Variants in SNX29 observed in about 807,000 individuals in gnomAD.
The protein encoded by SNX29 is sorting nexin-29.
Under a neutral mutation model 102.1 loss-of-function variants are expected in SNX29, and 78 were observed. The ratio of observed to expected loss-of-function variants is 0.76; its 90% CI spans 0.64 to 0.92. The LOEUF is 0.92. SNX29 is among the 40% of genes least tolerant of loss of function. The pLI is 0.00. For missense variants in SNX29, 1,280 were observed against 1,061.7 expected (o/e 1.21, Z -2.86); for synonymous variants, 580 against 414.5 (o/e 1.40, Z -4.85).
In SNX29 at chr16:12,402,380, C is replaced by T. The variant is rs189687278; in HGVS notation, c.1956-1068C>T. ...TTGTGTTCCAAGCCCAGAAGGCTGG[C>T]GAGTTTTTATGAGCTGCTCTTGAGA... On this transcript the variant is annotated intron_variant, in intron 17 of 20. Transcript: ENST00000566228. 9.1e-4 allele frequency among the ~76,000 whole-genome samples: 138 copies of T among 152,318 alleles called. No homozygotes were observed. In the East Asian group the frequency reaches 0.016, roughly 18 times the overall value.
At chr16:12,335,009 G>C (rs953800792) in intron 15 of SNX29, among the ~76,000 whole-genome samples, 1 of 146,926 alleles carries the variant, frequency 6.8e-6, no homozygotes, top group Non-Finnish European at 1.5e-5. Flanking sequence ...ATATGCGTCA[G>C]AAAACAAACC....
At chr16:12,542,558 C>G (rs1267022723) in intron 20 of SNX29, among the ~76,000 whole-genome samples, 2 of 152,322 alleles carry the variant, frequency 1.3e-5, no homozygotes, top group African/African-American at 4.8e-5. Context: ...TCTTGAACTC[C>G]TGACCTCAAG....
intron 20 of SNX29, among the ~76,000 whole-genome samples, chr16:12,535,059 G>C (rs1023838173): frequency 6.6e-6 from 1 of 152,186 alleles, no homozygotes; most frequent in Non-Finnish European, 1.5e-5. Context: ...AAAGCACTGG[G>C]ACTCCACAGT....
At chr16:12,505,374 A>G (rs2089325460) in intron 19 of SNX29, among the ~76,000 whole-genome samples, 1 of 152,142 alleles carries the variant, frequency 6.6e-6, no homozygotes, top group East Asian at 1.9e-4. Flanking sequence ...AAAAAAAACC[A>G]TTGTTTCCAC....
chr16:12,014,454 C>T (rs1042128903), intron 3 of SNX29, among the ~76,000 whole-genome samples: 11 of 152,060 alleles, frequency 7.2e-5, no homozygotes, highest in East Asian at 5.8e-4. Context: ...TTATCAGAGC[C>T]GGGCGCGGTG....
chr16:12,418,221 C>G (rs1007405193), intron 18 of SNX29, among the ~76,000 whole-genome samples: 1 of 152,144 alleles, frequency 6.6e-6, no homozygotes, highest in Non-Finnish European at 1.5e-5. Context: ...TTTAAGACAG[C>G]CTTAACTCTA....
At chr16:12,157,857 G>A (rs1423599000) in intron 13 of SNX29, among the ~76,000 whole-genome samples, 2 of 152,224 alleles carry the variant, frequency 1.3e-5, no homozygotes, top group East Asian at 1.9e-4. Context: ...GCTTGTCTCC[G>A]TCTGCCCGAG....
intron 20 of SNX29, among the ~76,000 whole-genome samples, chr16:12,538,072 C>G (rs537318832): frequency 2.6e-5 from 4 of 151,242 alleles, no homozygotes; most frequent in Admixed American, 2.0e-4. Context: ...TGACAGCTTT[C>G]TTCTCAGTGG....
intron 14 of SNX29, among the ~76,000 whole-genome samples, chr16:12,275,161 G>T (rs937124352): frequency 6.6e-6 from 1 of 152,176 alleles, no homozygotes; most frequent in Non-Finnish European, 1.5e-5. Flanking sequence ...CTCTTGGGGT[G>T]ATCTGGCTGT....
intron 11 of SNX29, chr16:12,095,088 C>G (rs1290125069): frequency 6.6e-6 from 1 of 152,160 alleles, no homozygotes; most frequent in Non-Finnish European, 1.5e-5. Context: ...ATGCACCAGA[C>G]TAAGTGATCC....
intron 13 of SNX29, among the ~76,000 whole-genome samples, chr16:12,144,744 C>CG (rs1202597634): frequency 6.6e-6 from 1 of 152,208 alleles, no homozygotes; most frequent in Admixed American, 6.5e-5. Flanking sequence ...TTTTTTGAGA[C>CG]GGAGTCTCGC....
intron 19 of SNX29, among the ~76,000 whole-genome samples, chr16:12,518,058 C>A (rs936874389): frequency 6.6e-6 from 1 of 152,112 alleles, no homozygotes; most frequent in Non-Finnish European, 1.5e-5. Flanking sequence ...TGCGGCCACG[C>A]GGCAAGGTTC....
At chr16:12,168,364 G>A (rs968818755) in intron 13 of SNX29, among the ~76,000 whole-genome samples, 10 of 152,186 alleles carry the variant, frequency 6.6e-5, no homozygotes, top group African/African-American at 2.4e-4. Flanking sequence ...CCCTTTGCAT[G>A]TGAGGAAACT....
intron 15 of SNX29, among the ~76,000 whole-genome samples, chr16:12,329,238 C>T (rs2081220325): frequency 7.1e-6 from 1 of 140,742 alleles, no homozygotes; most frequent in African/African-American, 2.6e-5. Flanking sequence ...GATTATGCCA[C>T]TGCACTCCAG....
chr16:12,195,540 C>G (rs912458433), intron 13 of SNX29, among the ~76,000 whole-genome samples: 1 of 152,204 alleles, frequency 6.6e-6, no homozygotes, highest in Non-Finnish European at 1.5e-5. Flanking sequence ...AGGAAAGTTC[C>G]TTAGCCTCTC....
At chr16:12,342,834 T>C (rs957793572) in intron 15 of SNX29, among the ~76,000 whole-genome samples, 1 of 152,134 alleles carries the variant, frequency 6.6e-6, no homozygotes, top group Non-Finnish European at 1.5e-5. Flanking sequence ...TCGCTCACAT[T>C]TGAGCACAGT....
At chr16:12,226,227 T>C (rs1567332344) in intron 14 of SNX29, among the ~76,000 whole-genome samples, 1 of 152,162 alleles carries the variant, frequency 6.6e-6, no homozygotes, top group African/African-American at 2.4e-5. Context: ...CGAATTAATA[T>C]TGTCTGGGAG....
At chr16:12,073,637 A>G (rs1395330429) in intron 10 of SNX29, among the ~76,000 whole-genome samples, 1 of 152,110 alleles carries the variant, frequency 6.6e-6, no homozygotes, top group African/African-American at 2.4e-5. Flanking sequence ...AAAAAAATAT[A>G]TATTCTGTTG....
intron 14 of SNX29, among the ~76,000 whole-genome samples, chr16:12,264,116 C>T (rs1455338395): frequency 6.6e-6 from 1 of 152,216 alleles, no homozygotes; most frequent in Non-Finnish European, 1.5e-5. Flanking sequence ...GTGTGCCGGC[C>T]AGCTGAGCCC....
Sources: gnomAD v4.1 joint callset for allele counts (sites outside exome capture counted in the v4.1 genomes callset) on GRCh38, gnomAD v4.1.1 for gene constraint, MANE v1.5 for transcripts, NCBI Gene and HGNC (gene_info 2026-07-23, HGNC 2026-07-21) for gene names.